MCPH1: variants seen among roughly 807,000 people sequenced by gnomAD.
MCPH1 encodes the protein microcephalin 1.
In MCPH1, 104 loss-of-function variants were observed where a neutral mutation model predicts 84.5. The ratio of observed to expected loss-of-function variants is 1.23; its 90% CI spans 1.05 to 1.45. The LOEUF (loss-of-function observed/expected upper bound fraction) is 1.45, where lower values mean the gene tolerates loss of function less well. Among genes scored for constraint, MCPH1 ranks in the 40% most tolerant of loss-of-function variants. The pLI is 0.00. For missense variants in MCPH1, 1,498 were observed against 1,005.7 expected, an observed-to-expected ratio of 1.49 and a Z score of -6.62; for synonymous variants, 514 against 366.8, an observed-to-expected ratio of 1.40 and a Z score of -4.58.
At chr8:6,482,277 G>A (rs1809341060) in intron 11 of MCPH1, among the ~76,000 whole-genome samples, 1 of 152,170 alleles carries the variant, frequency 6.6e-6, no homozygotes, top group Non-Finnish European at 1.5e-5. Context: ...TGCTGACGTA[G>A]CTAAAATCTA....
intron 12 of MCPH1, among the ~76,000 whole-genome samples, chr8:6,531,230 T>A (rs543861971): frequency 1.3e-5 from 2 of 152,118 alleles, no homozygotes; most frequent in South Asian, 4.2e-4. Flanking sequence ...TCTCGGTGAA[T>A]TTTCTTCTTT....
chr8:6,433,031 C>T (rs970380794), intron 4 of MCPH1, among the ~76,000 whole-genome samples: 5 of 152,202 alleles, frequency 3.3e-5, no homozygotes, highest in Non-Finnish European at 5.9e-5. Context: ...GCATGCTTGA[C>T]GTGAAGGGGC....
At chr8:6,528,589 C>G (rs74344164) in intron 12 of MCPH1, among the ~76,000 whole-genome samples, 5 of 152,220 alleles carry the variant, frequency 3.3e-5, no homozygotes, top group Non-Finnish European at 2.9e-5. Context: ...TCAGCCTTGC[C>G]GTGCGGGCCT....
chr8:6,614,116 T>A (rs1456058236), intron 12 of MCPH1, among the ~76,000 whole-genome samples: 2 of 152,182 alleles, frequency 1.3e-5, no homozygotes, highest in African/African-American at 4.8e-5. Context: ...CTGAGAATTA[T>A]TTTAGAAGGT....
intron 12 of MCPH1, among the ~76,000 whole-genome samples, chr8:6,608,158 G>C (rs112647917): frequency 5.8e-4 from 89 of 152,278 alleles, no homozygotes; most frequent in African/African-American, 1.9e-3. Context: ...ACTCACGTGC[G>C]AGGGTGGGAG....
At chr8:6,589,741 C>T (rs1055825367) in intron 12 of MCPH1, among the ~76,000 whole-genome samples, 6 of 152,184 alleles carry the variant, frequency 3.9e-5, no homozygotes, top group African/African-American at 1.4e-4. Context: ...ACACGTGCTG[C>T]AACCAAATAC....
chr8:6,624,586 T>C (rs1323557955), intron 13 of MCPH1, among the ~76,000 whole-genome samples: 1 of 152,244 alleles, frequency 6.6e-6, no homozygotes, highest in Non-Finnish European at 1.5e-5. Flanking sequence ...GCTGCAGCTA[T>C]GTACGAATAA....
chr8:6,429,741 C>G (rs1246247992), intron 3 of MCPH1, among the ~76,000 whole-genome samples: 1 of 151,938 alleles, frequency 6.6e-6, no homozygotes, highest in South Asian at 2.1e-4. Flanking sequence ...AGGATTCCCC[C>G]TCCCCATCTT....
At chr8:6,627,179 C>G in intron 13 of MCPH1, 1 of 985,406 alleles carries the variant, frequency 1.0e-6, no homozygotes, top group Non-Finnish European at 1.2e-6. Flanking sequence ...TCCCATGGGG[C>G]CACTCGGGAG....
At chr8:6,449,750 G>A (rs1305112248) in intron 8 of MCPH1, among the ~76,000 whole-genome samples, 2 of 152,060 alleles carry the variant, frequency 1.3e-5, no homozygotes, top group African/African-American at 2.4e-5. Context: ...CATGGGAATG[G>A]AGATCTTCTT....
At chr8:6,478,621 A>G (rs1020824851) in intron 10 of MCPH1, among the ~76,000 whole-genome samples, 3 of 152,134 alleles carry the variant, frequency 2.0e-5, no homozygotes, top group African/African-American at 4.8e-5. Flanking sequence ...TTTTATGTGG[A>G]TTAGCTGAGC....
intron 12 of MCPH1, among the ~76,000 whole-genome samples, chr8:6,558,315 G>A (rs911377047): frequency 2.6e-5 from 4 of 152,112 alleles, no homozygotes; most frequent in Non-Finnish European, 4.4e-5. Flanking sequence ...CATTTTAATA[G>A]CCTGACATAT....
intron 13 of MCPH1, among the ~76,000 whole-genome samples, chr8:6,632,791 A>G (rs1334266288): frequency 6.6e-6 from 1 of 151,842 alleles, no homozygotes; most frequent in Non-Finnish European, 1.5e-5. Flanking sequence ...CCTAGGCAAC[A>G]GAGTGAGACT....
chr8:6,532,472 G>A, intron 12 of MCPH1: 11 of 1,611,926 alleles, frequency 6.8e-6, no homozygotes, highest in South Asian at 1.1e-5. Context: ...ATGTTGTCCT[G>A]GATATAATTC....
intron 9 of MCPH1, among the ~76,000 whole-genome samples, chr8:6,475,418 A>G (rs368732038): frequency 6.6e-6 from 1 of 152,150 alleles, no homozygotes; most frequent in South Asian, 2.1e-4. Flanking sequence ...ACCCCTCTCC[A>G]GTTTATGACT....
At chr8:6,638,101 A>C (rs1368727248) in intron 13 of MCPH1, among the ~76,000 whole-genome samples, 1 of 151,668 alleles carries the variant, frequency 6.6e-6, no homozygotes, top group Non-Finnish European at 1.5e-5. Flanking sequence ...GACACATGTG[A>C]TATGAGCAGA....
At chr8:6,579,145 C>A (rs576019206) in intron 12 of MCPH1, among the ~76,000 whole-genome samples, 2 of 152,346 alleles carry the variant, frequency 1.3e-5, no homozygotes, top group South Asian at 4.1e-4. Flanking sequence ...TCACCTAACA[C>A]CTGACACCTC....
chr8:6,646,640 G>C lies in MCPH1; in HGVS notation c.*3591G>C, dbSNP rs1433196132. 2.0e-5 allele frequency: 3 copies of C among 152,252 alleles called. No homozygotes were observed. Among genetic ancestry groups the C allele is most frequent in the African/African-American group, 7.2e-5 (3 of 41,454 alleles). 9.4% of individuals were successfully genotyped at this position (152,252 alleles called of 1,614,324 possible). A position where few individuals can be genotyped will look rare whatever the true frequency, so the allele number is the denominator to read the frequency against. ...CTCAACATCAGCAGTGTTGGCGTTT[G>C]CTGGGGTGGATAATTCTTTCCTGTG... On this transcript the variant is annotated 3_prime_UTR_variant, in exon 14 of 14. Coordinates refer to ENST00000344683, the MANE Select transcript of MCPH1 (RefSeq NM_024596.5).
chr8:6,561,990 C>G (rs542988065), intron 12 of MCPH1, among the ~76,000 whole-genome samples: 1 of 152,164 alleles, frequency 6.6e-6, no homozygotes, highest in East Asian at 1.9e-4. Flanking sequence ...CTGGAACTGA[C>G]GGGGGCTGCA....
Sources: allele counts gnomAD v4.1 joint callset (sites outside exome capture counted in the v4.1 genomes callset), GRCh38; gene constraint gnomAD v4.1.1; transcripts MANE v1.5; gene names NCBI Gene and HGNC (gene_info 2026-07-23, HGNC 2026-07-21).